The following PTCH1 variants were observed in gnomAD, a reference collection of about 807,000 sequenced individuals.
The protein encoded by PTCH1 is patched 1.
Under a neutral mutation model 144.6 loss-of-function variants are expected in PTCH1, and 14 were observed. That is an observed-to-expected ratio of 0.10 (90% CI 0.06 to 0.15). The LOEUF is 0.15. Among genes scored for constraint, PTCH1 ranks in the 10% least tolerant of loss-of-function variants. The pLI is 1.00. For missense variants in PTCH1, 1,623 were observed against 1,948.3 expected (o/e 0.83, Z 3.14); for synonymous variants, 833 against 793.6 (o/e 1.05, Z -0.83).
Position 95,467,365 on chromosome 9 carries a change from C to A in PTCH1, c.2311G>T (p.Val771Leu), listed in dbSNP as rs1357637254. 1.9e-6 allele frequency: 3 copies of A among 1,614,112 alleles called. No individual in the cohort carries two copies. ...LGVSLYGTTR[V>L]RDGLDLTDIV... The stretch of plus-strand genomic sequence containing the variant: ...TCCGTAAGGTCCAGCCCGTCTCTCA[C>A]TCGGGTGGTGCCATAAAGGCTGACC... The change falls in exon 15 of 24, where the codon GTG becomes TTG. Residue 771 changes from valine (V) to leucine (L), a missense_variant. Val to Leu is a conservative substitution (Grantham distance 32). Transcript: ENST00000331920.
intron 3 of PTCH1, among the ~76,000 whole-genome samples, chr9:95,484,944 G>A (rs1384660647): frequency 1.3e-5 from 2 of 152,130 alleles, no homozygotes; most frequent in Non-Finnish European, 2.9e-5. Context: ...GGTGGCTCAC[G>A]CTTGTAACCC....
At chr9:95,501,310 G>A (rs1253118430) in intron 2 of PTCH1, among the ~76,000 whole-genome samples, 1 of 151,964 alleles carries the variant, frequency 6.6e-6, no homozygotes, top group Non-Finnish European at 1.5e-5. Context: ...ACATCTTATA[G>A]TGCACAGAAC....
chr9:95,453,024 C>T (rs2134721), intron 20 of PTCH1: 64,815 of 295,506 alleles, frequency 0.22, 7,647 homozygotes, highest in Non-Finnish European at 0.24. Context: ...TTTATACCTC[C>T]GAATATCTCT....
intron 16 of PTCH1, 38 bp from the exon 17 acceptor site, chr9:95,459,821 G>A (rs769597533): frequency 6.2e-7 from 1 of 1,607,986 alleles, no homozygotes; most frequent in South Asian, 1.1e-5. Flanking sequence ...TTGAGAATGG[G>A]GTTGGGGGTA....
chr9:95,506,816 G>T, intron 1 of PTCH1: 1 of 1,135,304 alleles, frequency 8.8e-7, no homozygotes, highest in African/African-American at 1.6e-5. Context: ...GCTGCACCTC[G>T]GGGACATCAG....
chr9:95,473,273 T>C (rs915145997), intron 12 of PTCH1, among the ~76,000 whole-genome samples: 7 of 152,234 alleles, frequency 4.6e-5, no homozygotes, highest in African/African-American at 1.4e-4. Context: ...AGGAGTTTTA[T>C]ATGGAAAATT....
chr9:95,448,917 T>C (rs1588516156), intron 22 of PTCH1, 152 bp downstream of exon 22: 1 of 1,111,016 alleles, frequency 9.0e-7, no homozygotes, highest in East Asian at 2.6e-5. Flanking sequence ...AAATACTGGT[T>C]ATTTCCTATG....
At chr9:95,447,540 C>A (rs1235756387) in intron 22 of PTCH1, 89 bp from the exon 23 acceptor site, 2 of 1,388,892 alleles carry the variant, frequency 1.4e-6, no homozygotes, top group Admixed American at 4.7e-5. Context: ...TGGGTTTCAC[C>A]AAAGACTCAG....
upstream of PTCH1, among the ~76,000 whole-genome samples, chr9:95,511,623 T>C (rs578134006): frequency 1.3e-5 from 2 of 152,342 alleles, no homozygotes; most frequent in Middle Eastern, 3.4e-3. Flanking sequence ...GCGGGCAGCA[T>C]GCGAGGAAAA....
chr9:95,447,537 C>T lies in PTCH1; in HGVS notation c.3805-86G>A, dbSNP rs1032151326. On this transcript the variant is annotated intron_variant, in intron 22 of 23. Coordinates refer to ENST00000331920, the MANE Select transcript of PTCH1 (RefSeq NM_000264.5). ...CTCCCACACTTCCCTCCTTGGGTTT[C>T]ACCAAAGACTCAGTCAACCCTGGGG... 8.6e-6 allele frequency: 12 copies of T among 1,397,246 alleles called. No homozygotes were observed. In the African/African-American group the frequency reaches 1.6e-4, roughly 18 times the overall value. 86.6% of individuals were successfully genotyped at this position (1,397,246 alleles called of 1,614,324 possible).
intron 1 of PTCH1, 24 bp downstream of exon 1, chr9:95,508,137 G>A (rs1253336666): frequency 6.2e-7 from 1 of 1,612,032 alleles, no homozygotes; most frequent in Non-Finnish European, 8.5e-7. Context: ...AAGAGAAAGT[G>A]GGAGGAGAGA....
rs1343666667 is a variant in PTCH1 at position 95,449,571 on chromosome 9, A to G, written c.3550-248T>C. 3.2e-6 allele frequency: 2 copies of G among 634,512 alleles called. No individual in the cohort carries two copies. Among genetic ancestry groups the G allele is most frequent in the South Asian group, 1.9e-5 (1 of 51,396 alleles). 39.3% of individuals were successfully genotyped at this position (634,512 alleles called of 1,614,324 possible). A position where few individuals can be genotyped will look rare whatever the true frequency, so the allele number is the denominator to read the frequency against. ...GTACTTTTTACTCTTGTGAAGTCCA[A>G]TTATGCATCTCAAGGGGAAAGTCTT... On this transcript the variant is annotated intron_variant, in intron 21 of 23. Coordinates refer to ENST00000331920, the MANE Select transcript of PTCH1 (RefSeq NM_000264.5). The surrounding 1 kb of genome is among the most constrained non-coding windows in gnomAD (Gnocchi z 5.3).
chr9:95,465,584 G>C (rs1203279285), intron 15 of PTCH1, among the ~76,000 whole-genome samples: 1 of 152,144 alleles, frequency 6.6e-6, no homozygotes, highest in East Asian at 1.9e-4. Context: ...CAAAGTTCTG[G>C]TAAACACAAG....
In PTCH1 at chr9:95,480,543, G is replaced by C. The variant is rs2118425622; in HGVS notation, c.792C>G (p.Phe264Leu). The part of the protein sequence containing the change: ...LRWTNFDPLE[F>L]LEELKKINYQ... ...AGTTTATTTTCTTTAACTCTTCCAG[G>C]AATTCCAAAGGGTCGAAGTTTGTCC... is the stretch of plus-strand genomic sequence containing the variant. Residue 264 changes from phenylalanine (F) to leucine (L), a missense_variant, in exon 6 of 24, where the codon TTC (phenylalanine) becomes TTG (leucine). By Grantham distance (22) the Phe-to-Leu change is conservative (BLOSUM62 0). Coordinates refer to ENST00000331920, the MANE Select transcript of PTCH1 (RefSeq NM_000264.5). 1 of 1,613,418 alleles carries C rather than the reference G, an allele frequency of 6.2e-7. No individual in the cohort carries two copies. Among genetic ancestry groups the C allele is most frequent in the Non-Finnish European group, 8.5e-7 (1 of 1,179,932 alleles).
rs1004904373 is a variant in PTCH1, at chr9:95,509,220, ACT to A, written c.-861_-860del. ...ATGAGATGGAAGAAGAAAAAAAAGA[ACT>A]CTCTCCATTTGGAGAAAGAAGAGGA... On this transcript the variant is annotated 5_prime_UTR_variant, in exon 1 of 24. It introduces an in-frame stop codon into an upstream open reading frame of the 5' UTR. Coordinates refer to ENST00000331920, the MANE Select transcript of PTCH1 (RefSeq NM_000264.5). 2.2e-5 allele frequency among the ~76,000 whole-genome samples: 3 copies of A among 133,902 alleles called. No individual in the cohort carries two copies. The highest frequency in any genetic ancestry group is 3.1e-5 in the Non-Finnish European group (2 of 64,830). 87.8% of individuals were successfully genotyped at this position (133,902 alleles called of 152,430 possible). A position where few individuals can be genotyped will look rare whatever the true frequency, so the allele number is the denominator to read the frequency against.
At chr9:95,509,311 G>GC (rs1365189780), upstream of PTCH1, among the ~76,000 whole-genome samples, 2 of 152,172 alleles carry the variant, frequency 1.3e-5, no homozygotes, top group African/African-American at 4.8e-5. Context: ...TGGAGCTCCC[G>GC]CCCCCGGGGC....
chr9:95,473,081 A>G (rs901366071), intron 12 of PTCH1, among the ~76,000 whole-genome samples: 5 of 152,228 alleles, frequency 3.3e-5, no homozygotes, highest in Admixed American at 6.5e-5. Context: ...GTGAGTTTTC[A>G]TTGAAGAATA....
upstream of PTCH1, among the ~76,000 whole-genome samples, chr9:95,510,142 G>T (rs1440996188): frequency 3.3e-5 from 5 of 151,648 alleles, no homozygotes; most frequent in Non-Finnish European, 7.4e-5. Flanking sequence ...AGAAACAACA[G>T]AATCTTTTTT....
intron 20 of PTCH1, 156 bp from the exon 21 acceptor site, chr9:95,450,096 G>T (rs935383893): frequency 2.8e-6 from 2 of 725,962 alleles, no homozygotes; most frequent in African/African-American, 3.5e-5. Context: ...TTCAACACAA[G>T]GTGAGTTTTT....
Sources: allele counts gnomAD v4.1 joint callset (sites outside exome capture counted in the v4.1 genomes callset), GRCh38; gene constraint gnomAD v4.1.1; non-coding constraint Gnocchi (gnomAD v3.1); transcripts MANE v1.5; gene names NCBI Gene and HGNC (gene_info 2026-07-23, HGNC 2026-07-21).